Variants in FBN1 observed in about 807,000 individuals in gnomAD.
FBN1 encodes fibrillin 1.
Under a neutral mutation model 365.1 loss-of-function variants are expected in FBN1, and 29 were observed. The ratio of observed to expected loss-of-function variants is 0.08; its 90% CI spans 0.06 to 0.11. The LOEUF (loss-of-function observed/expected upper bound fraction) is 0.11. Among genes scored for constraint, FBN1 ranks in the 10% least tolerant of loss-of-function variants. The pLI, the probability that FBN1 is intolerant of heterozygous loss-of-function variation, is 1.00. For missense variants in FBN1, 2,476 were observed against 3,703.2 expected, an observed-to-expected ratio of 0.67 and a Z score of 8.60; for synonymous variants, 1,210 against 1,270.5, an observed-to-expected ratio of 0.95 and a Z score of 1.01.
At chr15:48,618,742 T>C (rs1024300714) in intron 2 of FBN1, among the ~76,000 whole-genome samples, 1 of 152,198 alleles carries the variant, frequency 6.6e-6, no homozygotes, top group African/African-American at 2.4e-5. Context: ...TATTTACAGC[T>C]GCTCCCATCA....
Position 48,474,545 on chromosome 15 carries a change from T to C in FBN1, c.4070A>G (p.Asp1357Gly). 6.2e-7 allele frequency: 1 copy of C among 1,614,188 alleles called. No homozygotes were observed. The highest frequency in any genetic ancestry group is 2.2e-5 in the East Asian group (1 of 44,890). Reference sequence around the variant, plus strand: ...CTACTCACCAGTGCACTTAATGCCATCTCCAATCCACCCGGGACTGCAGCT... The same window carrying C: ...CTACTCACCAGTGCACTTAATGCCACCTCCAATCCACCCGGGACTGCAGCT... ...KCSCSPGWIG[D>G]GIKCTDLDEC... Residue 1357 changes from aspartate (D) to glycine (G), a missense_variant, in exon 33 of 66, where the codon GAT becomes GGT. By Grantham distance (94) the Asp-to-Gly change is moderately conservative (BLOSUM62 -1). Around this residue, in one of 5 missense-constraint regions of FBN1, gnomAD observed 1,780 missense variants for 2,840.8 expected, o/e 0.63. Transcript: ENST00000316623.
At chr15:48,480,818 C>T (rs1487503397) in intron 32 of FBN1, among the ~76,000 whole-genome samples, 1 of 152,102 alleles carries the variant, frequency 6.6e-6, no homozygotes, top group Non-Finnish European at 1.5e-5. Context: ...TATTCAGTTA[C>T]CTAATTCAAG....
chr15:48,487,176 G>C lies in FBN1; in HGVS notation c.3488C>G (p.Ala1163Gly). The C allele has an allele frequency of 6.2e-7, 1 of 1,614,174 alleles. No homozygotes were observed. Reference sequence around the variant, plus strand: ...GCAACGGCCATTGGGGCACAGGTGTGCACTCAGCTCACATTCATTGATGTC... The same window carrying C: ...GCAACGGCCATTGGGGCACAGGTGTCCACTCAGCTCACATTCATTGATGTC... ...CIDINECELSAHLCPNGRCVN... is the reference protein window; with the variant it reads ...CIDINECELSGHLCPNGRCVN... The change falls in exon 29 of 66, where the codon GCA becomes GGA. Residue 1163 changes from alanine (A) to glycine (G), a missense_variant. By Grantham distance (60) the Ala-to-Gly change is moderately conservative (BLOSUM62 0). Coordinates refer to ENST00000316623, the MANE Select transcript of FBN1 (RefSeq NM_000138.5).
At chr15:48,522,384 G>A (rs964688419) in intron 9 of FBN1, among the ~76,000 whole-genome samples, 2 of 151,956 alleles carry the variant, frequency 1.3e-5, no homozygotes, top group African/African-American at 2.4e-5. Flanking sequence ...TAAATGTAAT[G>A]TACTTGAATC....
At chr15:48,509,997 G>T in intron 14 of FBN1, 47 bp downstream of exon 14, 1 of 1,605,082 alleles carries the variant, frequency 6.2e-7, no homozygotes, top group Non-Finnish European at 8.5e-7. Flanking sequence ...CCCTGATATT[G>T]AAACTGCAAT....
intron 2 of FBN1, among the ~76,000 whole-genome samples, chr15:48,630,009 T>C (rs573163329): frequency 1.6e-4 from 24 of 152,336 alleles, no homozygotes; most frequent in African/African-American, 5.5e-4. Flanking sequence ...CTAACCAAAG[T>C]GTTCCTACTA....
chr15:48,532,506 A>ATGTGTGTGTGTGTG (rs528870539), intron 8 of FBN1, among the ~76,000 whole-genome samples: 17,453 of 149,530 alleles, frequency 0.12, 1,013 homozygotes, highest in Non-Finnish European at 0.14. Context: ...ATATATGTGT[A>ATGTGTGTGTGTGTG]TGTGTGTGTG....
chr15:48,456,007 G>T (rs2141259590), intron 44 of FBN1, among the ~76,000 whole-genome samples: 1 of 152,190 alleles, frequency 6.6e-6, no homozygotes, highest in Non-Finnish European at 1.5e-5. Context: ...AACCAGTAAT[G>T]TCCCTTTTAC....
rs757457003 is a variant in FBN1, at chr15:48,448,883, T to C, written c.5556A>G (p.Glu1852=). The change falls in exon 46 of 66, where the codon GAA becomes GAG. Residue 1852 remains glutamate (E), a synonymous_variant. Coordinates refer to ENST00000316623, the MANE Select transcript of FBN1 (RefSeq NM_000138.5). ...TSTGQCNDRN[E]CQEIPNICSH... is the part of the protein sequence containing the mutation. ...TGCATATATTGGGGATTTCTTGACATTCATTACGATCTGTAAATAAGAAGC... is the reference window on the plus strand; with the variant it reads ...TGCATATATTGGGGATTTCTTGACACTCATTACGATCTGTAAATAAGAAGC... The C allele has an allele frequency of 2.5e-6, 4 of 1,611,670 alleles. No individual in the cohort carries two copies. Among genetic ancestry groups the C allele is most frequent in the African/African-American group, 2.7e-5 (2 of 74,882 alleles).
chr15:48,505,200 A>AT, intron 15 of FBN1, 53 bp from the exon 16 acceptor site: 1 of 1,609,014 alleles, frequency 6.2e-7, no homozygotes, highest in Non-Finnish European at 8.5e-7. Context: ...ATCTAAAATT[A>AT]TAACATGTTG....
chr15:48,516,364 TA>T lies in FBN1; in HGVS notation c.1148-3del. 1 of 1,613,512 alleles carries T rather than the reference TA, an allele frequency of 6.2e-7. No individual in the cohort carries two copies. Among genetic ancestry groups the T allele is most frequent in the Non-Finnish European group, 8.5e-7 (1 of 1,179,810 alleles). ...CAGAGCACAGCTTGTTGAAATCCTC[TA>T]GAAAAACACAACAAAACAAAACACA... On this transcript the variant is annotated splice_region_variant and splice_polypyrimidine_tract_variant and intron_variant, in intron 10 of 65. Coordinates refer to ENST00000316623, the MANE Select transcript of FBN1 (RefSeq NM_000138.5).
At chr15:48,614,339 T>C (rs1034200678) in intron 2 of FBN1, among the ~76,000 whole-genome samples, 1 of 152,212 alleles carries the variant, frequency 6.6e-6, no homozygotes, top group Non-Finnish European at 1.5e-5. Context: ...TAAAAACAAC[T>C]GTATAGCTAA....
intron 64 of FBN1, 93 bp from the exon 65 acceptor site, chr15:48,412,836 T>A: frequency 1.4e-6 from 2 of 1,448,030 alleles, no homozygotes; most frequent in East Asian, 4.5e-5. Flanking sequence ...TCCTTGCAGT[T>A]GTGAGATACA....
intron 9 of FBN1, among the ~76,000 whole-genome samples, chr15:48,522,570 A>G (rs2043868415): frequency 6.6e-6 from 1 of 152,172 alleles, no homozygotes; most frequent in Non-Finnish European, 1.5e-5. Flanking sequence ...TGTAAGTCTG[A>G]ATATTAAATT....
chr15:48,447,898 A>T (rs2043171639), intron 46 of FBN1, among the ~76,000 whole-genome samples: 1 of 152,116 alleles, frequency 6.6e-6, no homozygotes, highest in East Asian at 1.9e-4. Context: ...TTTTTAGCCA[A>T]ACTGGTGAAG....
rs780750490 is a variant in FBN1, at chr15:48,498,976, A to T, written c.2167+9T>A. 2 of 1,614,006 alleles carry T rather than the reference A, an allele frequency of 1.2e-6. No homozygotes were observed. Among genetic ancestry groups the T allele is most frequent in the Non-Finnish European group, 1.7e-6 (2 of 1,179,838 alleles). On this transcript the variant is annotated intron_variant, in intron 18 of 65. Coordinates refer to ENST00000316623, the MANE Select transcript of FBN1 (RefSeq NM_000138.5). ...ACTGAAGGTAGTAAATTTTGAAAGG[A>T]ATCCTTACCACTGCCTGCTGACGTC...
intron 4 of FBN1, among the ~76,000 whole-genome samples, chr15:48,610,302 G>C (rs766660642): frequency 6.6e-6 from 1 of 152,138 alleles, no homozygotes; most frequent in Non-Finnish European, 1.5e-5. Flanking sequence ...TTTTCTTCTT[G>C]TAAAGCAGGG....
chr15:48,547,935 A>T (rs1004969758), intron 6 of FBN1, among the ~76,000 whole-genome samples: 2 of 152,206 alleles, frequency 1.3e-5, no homozygotes, highest in Admixed American at 1.3e-4. Flanking sequence ...AAGAAAGTAC[A>T]AGCATTACTC....
At chr15:48,568,922 T>A (rs567674592) in intron 6 of FBN1, among the ~76,000 whole-genome samples, 1 of 152,124 alleles carries the variant, frequency 6.6e-6, no homozygotes, top group African/African-American at 2.4e-5. Context: ...TTTAAGATCT[T>A]GGGTAGGCAA....
Sources: allele counts gnomAD v4.1 joint callset (sites outside exome capture counted in the v4.1 genomes callset), GRCh38; gene constraint gnomAD v4.1.1; regional missense constraint gnomAD v4.1.1; transcripts MANE v1.5; gene names NCBI Gene and HGNC (gene_info 2026-07-23, HGNC 2026-07-21).